PARVB: variants seen among roughly 807,000 people sequenced by gnomAD.
PARVB encodes beta-parvin.
A neutral mutation model predicts 47.0 loss-of-function variants in PARVB; 46 were observed. That is an observed-to-expected ratio of 0.98 (90% CI 0.77 to 1.25). PARVB has a LOEUF of 1.25. Ranked by LOEUF, PARVB falls within the 50% of genes most tolerant of loss-of-function variation. PARVB has a pLI of 0.00. For missense variants in PARVB, 473 were observed against 471.6 expected (o/e 1.00, Z -0.03); for synonymous variants, 196 against 196.3 (o/e 1.00, Z 0.01).
At chr22:44,119,811 T>A (rs748946208) in intron 4 of PARVB, 11 of 532,970 alleles carry the variant, frequency 2.1e-5, no homozygotes, top group Non-Finnish European at 4.2e-5. Flanking sequence ...TTGCTTGTGA[T>A]GAGGGCCTTC....
chr22:44,154,999 TG>T lies in PARVB; in HGVS notation c.844-2982del, dbSNP rs1010146432. On this transcript the variant is annotated intron_variant, in intron 10 of 12. Coordinates refer to ENST00000338758, the MANE Select transcript of PARVB (RefSeq NM_013327.5). ...TGGTGTGTGTGTGGTTTTTGTAGTCTGTGTGGTGTGTGTGTGTGGTTTTTGT... is the reference window on the plus strand; with the variant it reads ...TGGTGTGTGTGTGGTTTTTGTAGTCTTGTGGTGTGTGTGTGTGGTTTTTGT... 9.0e-5 allele frequency among the ~76,000 whole-genome samples: 11 copies of T among 122,288 alleles called. No individual in the cohort carries two copies. The Admixed American group carries it at 1.1e-3, about 12-fold the overall frequency. 80.2% of individuals were successfully genotyped at this position (122,288 alleles called of 152,430 possible).
chr22:44,165,211 T>C (rs1457543124), intron 12 of PARVB, among the ~76,000 whole-genome samples: 1 of 152,260 alleles, frequency 6.6e-6, no homozygotes, highest in African/African-American at 2.4e-5. Flanking sequence ...TTGCCCAGAC[T>C]GGTCTCGAAC....
At chr22:44,007,433 A>G (rs2050477443) in intron 2 of PARVB, among the ~76,000 whole-genome samples, 1 of 152,056 alleles carries the variant, frequency 6.6e-6, no homozygotes, top group South Asian at 2.1e-4. Flanking sequence ...AGCATCCTTT[A>G]TTCTCTTTCC....
Position 44,124,015 on chromosome 22 carries a change from G to T in PARVB, c.376+4875G>T, listed in dbSNP as rs147281840. Among the ~76,000 whole-genome samples the T allele has an allele frequency of 5.1e-4, 77 of 152,330 alleles. 1 individual carries two copies. Among genetic ancestry groups the T allele is most frequent in the South Asian group, 1.7e-3 (8 of 4,822 alleles). On this transcript the variant is annotated intron_variant, in intron 4 of 12. Coordinates refer to ENST00000338758, the MANE Select transcript of PARVB (RefSeq NM_013327.5). ...AGCAGAACTAAGGAGTATCTGGCTC[G>T]CTGCTGGGTACCCCATCCACCCCAA...
intron 2 of PARVB, among the ~76,000 whole-genome samples, chr22:44,097,348 G>A (rs992676245): frequency 3.9e-5 from 6 of 152,172 alleles, no homozygotes; most frequent in African/African-American, 1.2e-4. Context: ...CAGTGACTCC[G>A]GGGCCCACTG....
intron 12 of PARVB, among the ~76,000 whole-genome samples, chr22:44,166,943 C>T (rs12168390): frequency 0.017 from 2,662 of 152,306 alleles, 85 homozygotes; most frequent in African/African-American, 0.061. Context: ...CAGACTTACC[C>T]GGGTACCCAG....
At chr22:44,097,168 A>G (rs1348071915) in intron 2 of PARVB, among the ~76,000 whole-genome samples, 1 of 151,928 alleles carries the variant, frequency 6.6e-6, no homozygotes, top group Non-Finnish European at 1.5e-5. Flanking sequence ...TAGGAAAAAC[A>G]AGGAGCCTCT....
intron 8 of PARVB, chr22:44,141,116 G>C (rs1209343354): frequency 1.3e-5 from 2 of 156,322 alleles, no homozygotes; most frequent in African/African-American, 2.4e-5. Flanking sequence ...TCTGGGTGGG[G>C]GTGCCACCCC....
chr22:44,164,591 GAC>G (rs2054126867), intron 12 of PARVB, among the ~76,000 whole-genome samples: 1 of 152,184 alleles, frequency 6.6e-6, no homozygotes, highest in Non-Finnish European at 1.5e-5. Flanking sequence ...TAAAGGCTTT[GAC>G]AAGTCCTATA....
Position 44,100,104 on chromosome 22 carries a change from A to G in PARVB, c.254A>G (p.Lys85Arg), listed in dbSNP as rs765134073. Reference protein sequence around the residue: ...MIDPTSKEDPKFKELVKVLLD... With the variant: ...MIDPTSKEDPRFKELVKVLLD... ...GACCCCACTTCCAAGGAAGACCCCA[A>G]GTTCAAGGAACTGGTCAAGGTAAGG... Residue 85 changes from lysine (K) to arginine (R), a missense_variant, in exon 3 of 13, where the codon AAG (lysine) becomes AGG (arginine). Lys to Arg is a conservative substitution (Grantham distance 26). Transcript: ENST00000338758. The G allele has an allele frequency of 3.7e-6, 6 of 1,613,816 alleles. No homozygotes were observed. The highest frequency in any genetic ancestry group is 1.1e-5 in the South Asian group (1 of 91,080).
intron 2 of PARVB, among the ~76,000 whole-genome samples, chr22:44,018,684 C>A (rs2050611516): frequency 6.6e-6 from 1 of 152,126 alleles, no homozygotes; most frequent in South Asian, 2.1e-4. Flanking sequence ...GCTTGGTCCT[C>A]CACACTGGGT....
chr22:44,017,689 C>T (rs146957572), intron 2 of PARVB, among the ~76,000 whole-genome samples: 35 of 152,318 alleles, frequency 2.3e-4, no homozygotes, highest in African/African-American at 8.2e-4. Flanking sequence ...ATTTCCTGGG[C>T]ACTCACCAGA....
rs376291981 is a variant in PARVB at position 44,093,979 on chromosome 22, C to T, written c.164C>T (p.Pro55Leu). The change falls in exon 2 of 13, where the codon CCC becomes CTC. Residue 55 changes from proline to leucine, a missense_variant. Transcript: ENST00000338758. ...AATGCCATCAACTCACCGATGTCCC[C>T]CGCCCTGGTGGATGTTCACCCTGAA... The part of the protein sequence containing the change: ...GKNAINSPMS[P>L]ALVDVHPEDT... 30 of 1,613,424 alleles carry T rather than the reference C, an allele frequency of 1.9e-5. No individual in the cohort carries two copies. Among genetic ancestry groups the T allele is most frequent in the Non-Finnish European group, 2.3e-5 (27 of 1,179,462 alleles).
intron 3 of PARVB, chr22:44,109,434 C>G (rs2052640680): frequency 6.6e-6 from 1 of 152,178 alleles, no homozygotes; most frequent in African/African-American, 2.4e-5. Flanking sequence ...AGACATCTGC[C>G]CACAGGATTC....
chr22:44,018,156 T>C (rs909615886), intron 2 of PARVB, among the ~76,000 whole-genome samples: 11 of 152,004 alleles, frequency 7.2e-5, no homozygotes, highest in Admixed American at 6.6e-4. Context: ...ACTCCCAGCA[T>C]TTTGGGAGGC....
At chr22:44,164,724 C>T (rs990751462) in intron 12 of PARVB, among the ~76,000 whole-genome samples, 1 of 152,224 alleles carries the variant, frequency 6.6e-6, no homozygotes, top group African/African-American at 2.4e-5. Context: ...CCTAGCCCTG[C>T]TCCCTCTCCT....
At chr22:44,065,195 G>A (rs28582216) in intron 1 of PARVB, among the ~76,000 whole-genome samples, 1,540 of 152,116 alleles carry the variant, frequency 0.01, 26 homozygotes, top group African/African-American at 0.034. Flanking sequence ...TATCTGCTTC[G>A]TCTTCCCCAG....
intron 7 of PARVB, 140 bp from the exon 8 acceptor site, chr22:44,139,984 G>A (rs868446687): frequency 3.2e-5 from 26 of 800,278 alleles, no homozygotes; most frequent in Middle Eastern, 2.9e-4. Context: ...TGTGACTTGC[G>A]TTCTTATCAG....
chr22:44,107,466 C>A (rs1448600724), intron 3 of PARVB: 1 of 152,212 alleles, frequency 6.6e-6, no homozygotes, highest in African/African-American at 2.4e-5. Context: ...TAGCACGTAG[C>A]GCCTAAAACC....
Sources: gnomAD v4.1 joint callset for allele counts (sites outside exome capture counted in the v4.1 genomes callset) on GRCh38, gnomAD v4.1.1 for gene constraint, MANE v1.5 for transcripts, NCBI Gene and HGNC (gene_info 2026-07-23, HGNC 2026-07-21) for gene names.